The following GATA6 variants were observed in gnomAD, a reference collection of about 807,000 sequenced individuals.
GATA6 encodes the protein transcription factor GATA-6.
Under a neutral mutation model 48.1 loss-of-function variants are expected in GATA6, and 11 were observed. That is an observed-to-expected ratio of 0.23 (90% CI 0.14 to 0.38). The LOEUF (loss-of-function observed/expected upper bound fraction) is 0.38. GATA6 is among the 10% of genes least tolerant of loss of function. GATA6 has a pLI of 1.00. For synonymous variants in GATA6, 419 were observed against 396.1 expected (o/e 1.06, Z -0.69); for missense variants, 795 against 850.3 (o/e 0.93, Z 0.81).
chr18:22,172,276 G>A lies in GATA6; in HGVS notation c.1132G>A (p.Ala378Thr). ...GCTCCCGGTGCCCCGGGGTCCCAGTGCAGGTAAGGGTCGCGCCTCAGGTTC... is the reference window on the plus strand; with the variant it reads ...GCTCCCGGTGCCCCGGGGTCCCAGTACAGGTAAGGGTCGCGCCTCAGGTTC... ...APLPVPRGPSADLLEDLSESR... is the reference protein window; with the variant it reads ...APLPVPRGPSTDLLEDLSESR... The change falls in exon 2 of 7, where the codon GCA (alanine) becomes ACA (threonine). Residue 378 changes from alanine to threonine, a missense_variant. This residue lies in a region of GATA6 where 591 missense variants were observed against 570.0 expected (regional missense o/e 1.04). Coordinates refer to ENST00000269216, the MANE Select transcript of GATA6 (RefSeq NM_005257.6). The surrounding 1 kb of genome is among the most constrained non-coding windows in gnomAD (Gnocchi z 5.2). 1 of 1,532,844 alleles carries A rather than the reference G, an allele frequency of 6.5e-7. No individual in the cohort carries two copies. Among genetic ancestry groups the A allele is most frequent in the South Asian group, 1.2e-5 (1 of 83,906 alleles). The allele number at this position is 1,532,844 out of a possible 1,614,324, so 95.0% of individuals were successfully genotyped here.
intron 6 of GATA6, among the ~76,000 whole-genome samples, chr18:22,184,327 C>A (rs769840062): frequency 5.3e-5 from 8 of 151,140 alleles, no homozygotes; most frequent in African/African-American, 1.7e-4. Flanking sequence ...AGGGAAGAAG[C>A]CTTTTAGTTG....
chr18:22,201,488 G>A lies in GATA6; in HGVS notation c.*665G>A, dbSNP rs1337500423. The A allele has an allele frequency of 1.3e-5, 2 of 152,694 alleles. No homozygotes were observed. The highest frequency in any genetic ancestry group is 2.1e-4 in the South Asian group (1 of 4,834). The allele number at this position is 152,694 out of a possible 1,614,324, so 9.5% of individuals were successfully genotyped here. On this transcript the variant is annotated 3_prime_UTR_variant, in exon 7 of 7. Coordinates refer to ENST00000269216, the MANE Select transcript of GATA6 (RefSeq NM_005257.6). ...AATTTTTTTAAAAAGTGCAATTTGCGTTGCAGCAATCAGTGTTAAATCATT... is the reference window on the plus strand; with the variant it reads ...AATTTTTTTAAAAAGTGCAATTTGCATTGCAGCAATCAGTGTTAAATCATT...
intron 6 of GATA6, among the ~76,000 whole-genome samples, chr18:22,189,057 T>G (rs998169871): frequency 6.6e-6 from 1 of 152,140 alleles, no homozygotes; most frequent in Non-Finnish European, 1.5e-5. Context: ...CCTGGATGGG[T>G]GGGCCTTAAC....
At chr18:22,193,954 G>T (rs1382267596) in intron 6 of GATA6, among the ~76,000 whole-genome samples, 1 of 152,104 alleles carries the variant, frequency 6.6e-6, no homozygotes, top group Non-Finnish European at 1.5e-5. Context: ...ATTATGGGAT[G>T]TGCGAAATGA....
chr18:22,181,424 T>C (rs1251187370), intron 3 of GATA6, 29 bp from the exon 4 acceptor site: 1 of 1,613,426 alleles, frequency 6.2e-7, no homozygotes, highest in Non-Finnish European at 8.5e-7. Context: ...ACTTATATTT[T>C]TCCACTTATG....
At chr18:22,192,486 T>A (rs2033339442) in intron 6 of GATA6, among the ~76,000 whole-genome samples, 2 of 152,232 alleles carry the variant, frequency 1.3e-5, no homozygotes, top group Non-Finnish European at 1.5e-5. Context: ...TAGAGATTTG[T>A]ATTTCACTGA....
At chr18:22,173,381 G>T (rs1277773137) in intron 2 of GATA6, among the ~76,000 whole-genome samples, 1 of 152,074 alleles carries the variant, frequency 6.6e-6, no homozygotes, top group African/African-American at 2.4e-5. Flanking sequence ...AGTCACAGAG[G>T]TGGCAGAGTG....
chr18:22,197,120 C>T (rs1424567750), intron 6 of GATA6, among the ~76,000 whole-genome samples: 1 of 131,082 alleles, frequency 7.6e-6, no homozygotes, highest in African/African-American at 3.0e-5. Context: ...ACTTTTGTTG[C>T]CCAGACTGGA....
At chr18:22,181,644 C>T (rs2033197568) in intron 4 of GATA6, 66 bp downstream of exon 4, 1 of 1,576,954 alleles carries the variant, frequency 6.3e-7, no homozygotes, top group Non-Finnish European at 8.7e-7. Flanking sequence ...ATATCAGTTA[C>T]AAAGAATCAG....
chr18:22,178,237 T>C (rs192023296), intron 3 of GATA6, among the ~76,000 whole-genome samples: 129 of 152,276 alleles, frequency 8.5e-4, no homozygotes, highest in African/African-American at 2.9e-3. Flanking sequence ...AGTGCTAGGA[T>C]TACAGGCGTG....
At chr18:22,179,973 CTG>C (rs1400875456) in intron 3 of GATA6, 1 of 152,220 alleles carries the variant, frequency 6.6e-6, no homozygotes, top group Non-Finnish European at 1.5e-5. Flanking sequence ...TTGGAAGTCT[CTG>C]TCCTGTAATC....
chr18:22,196,759 T>G (rs1047295437), intron 6 of GATA6, among the ~76,000 whole-genome samples: 1 of 151,802 alleles, frequency 6.6e-6, no homozygotes, highest in East Asian at 1.9e-4. Flanking sequence ...AAAAATAAAA[T>G]AAAAAAGAGA....
At position 22,201,170 on chromosome 18, in the gene GATA6, T is replaced by G. The variant is rs756428094; in HGVS notation, c.*347T>G. The G allele has an allele frequency of 4.1e-5, 12 of 295,942 alleles. No individual in the cohort carries two copies. The highest frequency in any genetic ancestry group is 5.1e-5 in the Non-Finnish European group (8 of 155,792). The allele number at this position is 295,942 out of a possible 1,614,324, so 18.3% of individuals were successfully genotyped here. On this transcript the variant is annotated 3_prime_UTR_variant, in exon 7 of 7. Transcript: ENST00000269216. ...TGCATTTTGTCCAAAATCATGTGCT[T>G]CTTCTGATCAATTTTGGTTGTTCCA...
At chr18:22,177,952 GTTTTTTTTTT>G (rs775374335) in intron 3 of GATA6, among the ~76,000 whole-genome samples, 6 of 80,500 alleles carry the variant, frequency 7.5e-5, no homozygotes, top group Middle Eastern at 8.3e-3. Context: ...CTGTTTTTTT[GTTTTTTTTTT>G]TTTTTTTTTT....
At chr18:22,182,397 G>A (rs902748568) in intron 4 of GATA6, among the ~76,000 whole-genome samples, 2 of 145,060 alleles carry the variant, frequency 1.4e-5, no homozygotes, top group Admixed American at 1.4e-4. Context: ...AACTCTTGTT[G>A]CCCAGGCTGG....
chr18:22,189,460 T>A (rs1171187707), intron 6 of GATA6, among the ~76,000 whole-genome samples: 1 of 152,200 alleles, frequency 6.6e-6, no homozygotes, highest in Non-Finnish European at 1.5e-5. Flanking sequence ...TACACTCCAC[T>A]GTCTTTTTCT....
intron 6 of GATA6, among the ~76,000 whole-genome samples, chr18:22,198,120 T>C (rs1231551771): frequency 2.0e-5 from 3 of 151,932 alleles, no homozygotes; most frequent in Non-Finnish European, 4.4e-5. Flanking sequence ...GGTCTTGCTC[T>C]GTCCCTTAGG....
Position 22,170,032 on chromosome 18 carries a change from C to A in GATA6, c.-38+350C>A, listed in dbSNP as rs2033010032. On this transcript the variant is annotated intron_variant, in intron 1 of 6. Transcript: ENST00000269216. This position sits in a 1 kb window ranked among gnomAD's most constrained non-coding sequence, Gnocchi z 6.7. ...GCATTAATTTTAGTGTGGTAATCTC[C>A]GATGAGCCGAGGCGATTTGGAAGAG... Among the ~76,000 whole-genome samples, 1 of 152,208 alleles carries A rather than the reference C, an allele frequency of 6.6e-6. No homozygotes were observed. The highest frequency in any genetic ancestry group is 2.4e-5 in the African/African-American group (1 of 41,448).
Position 22,171,773 on chromosome 18 carries a change from G to A in GATA6, c.629G>A (p.Ser210Asn). ...GLPYHLQGSG[S>N]GPANHAGGAG... Reference sequence around the variant, plus strand: ...CCGTACCACCTGCAGGGGTCGGGCAGTGGGCCAGCCAACCACGCGGGCGGC... The same window carrying A: ...CCGTACCACCTGCAGGGGTCGGGCAATGGGCCAGCCAACCACGCGGGCGGC... Residue 210 changes from serine (S) to asparagine (N), a missense_variant, in exon 2 of 7, where the codon AGT (serine) becomes AAT (asparagine). Around this residue, in one of 5 missense-constraint regions of GATA6, gnomAD observed 591 missense variants for 570.0 expected, o/e 1.04. Coordinates refer to ENST00000269216, the MANE Select transcript of GATA6 (RefSeq NM_005257.6). This position sits in a 1 kb window ranked among gnomAD's most constrained non-coding sequence, Gnocchi z 7.1. 7.3e-7 allele frequency: 1 copy of A among 1,365,224 alleles called. No individual in the cohort carries two copies. The highest frequency in any genetic ancestry group is 1.8e-5 in the South Asian group (1 of 56,010). The allele number at this position is 1,365,224 out of a possible 1,614,324, so 84.6% of individuals were successfully genotyped here. A position where few individuals can be genotyped will look rare whatever the true frequency, so the allele number is the denominator to read the frequency against.
Sources: gnomAD v4.1 joint callset for allele counts (sites outside exome capture counted in the v4.1 genomes callset) on GRCh38, gnomAD v4.1.1 for gene constraint, gnomAD v4.1.1 regional missense constraint, Gnocchi (gnomAD v3.1) non-coding constraint, MANE v1.5 for transcripts, NCBI Gene and HGNC (gene_info 2026-07-23, HGNC 2026-07-21) for gene names.